The following SLC4A10 variants were observed in gnomAD, a reference collection of about 807,000 sequenced individuals.
The protein encoded by SLC4A10 is solute carrier family 4 member 10.
In SLC4A10, 42 loss-of-function variants were observed where a neutral mutation model predicts 137.7. That is an observed-to-expected ratio of 0.30 (90% CI 0.24 to 0.39). The LOEUF (loss-of-function observed/expected upper bound fraction) is 0.39, where lower values mean the gene tolerates loss of function less well. SLC4A10 is among the 10% of genes least tolerant of loss of function. The pLI is 1.00. For synonymous variants in SLC4A10, 474 were observed against 464.1 expected (o/e 1.02, Z -0.27); for missense variants, 925 against 1,355.0 (o/e 0.68, Z 4.98).
At chr2:161,696,882 C>G (rs565022642) in intron 1 of SLC4A10, among the ~76,000 whole-genome samples, 1 of 152,286 alleles carries the variant, frequency 6.6e-6, no homozygotes, top group Non-Finnish European at 1.5e-5. Context: ...AATCGCCACA[C>G]TGTCTTCCAC....
intron 10 of SLC4A10, among the ~76,000 whole-genome samples, chr2:161,884,073 A>T (rs62188794): frequency 6.6e-6 from 1 of 152,120 alleles, no homozygotes; most frequent in African/African-American, 2.4e-5. Flanking sequence ...GAAAAAAATA[A>T]CTTAATGAGG....
intron 1 of SLC4A10, among the ~76,000 whole-genome samples, chr2:161,737,417 G>T (rs2047454483): frequency 1.3e-5 from 2 of 150,898 alleles, no homozygotes; most frequent in Non-Finnish European, 3.0e-5. Context: ...ACTTTATACA[G>T]AATAGCTTTT....
chr2:161,821,908 C>T (rs1359303381), intron 3 of SLC4A10, among the ~76,000 whole-genome samples: 2 of 152,114 alleles, frequency 1.3e-5, no homozygotes, highest in South Asian at 4.1e-4. Flanking sequence ...ATACAGGGAA[C>T]CATACGTTAT....
intron 1 of SLC4A10, among the ~76,000 whole-genome samples, chr2:161,661,229 C>T (rs1029612670): frequency 2.0e-5 from 3 of 152,088 alleles, no homozygotes; most frequent in Non-Finnish European, 4.4e-5. Flanking sequence ...AATCCCAGCA[C>T]TTTGGGAGGC....
At chr2:161,780,914 G>T (rs1042461928) in intron 2 of SLC4A10, among the ~76,000 whole-genome samples, 1 of 151,892 alleles carries the variant, frequency 6.6e-6, no homozygotes, top group Non-Finnish European at 1.5e-5. Flanking sequence ...ATCTGATGTT[G>T]TAAAATTATA....
rs1412071199 is a variant in SLC4A10 at position 161,969,240 on chromosome 2, A to G, written c.3159+4067A>G. Reference sequence around the variant, plus strand: ...CTGAGAAAACATTCATTTGACCTTAAAATTCAATAATGAGTTAAGCAGAAT... The same window carrying G: ...CTGAGAAAACATTCATTTGACCTTAGAATTCAATAATGAGTTAAGCAGAAT... On this transcript the variant is annotated intron_variant, in intron 23 of 26. Transcript: ENST00000446997. Among the ~76,000 whole-genome samples the G allele has an allele frequency of 2.6e-5, 4 of 152,288 alleles. No homozygotes were observed. The East Asian group carries it at 7.7e-4, about 29-fold the overall frequency.
intron 23 of SLC4A10, among the ~76,000 whole-genome samples, chr2:161,971,423 A>T (rs1395477123): frequency 2.0e-5 from 3 of 152,216 alleles, no homozygotes; most frequent in Non-Finnish European, 4.4e-5. Context: ...ATTATGTATT[A>T]TTCTACCTTT....
At chr2:161,741,495 A>G (rs1186299126) in intron 1 of SLC4A10, among the ~76,000 whole-genome samples, 1 of 152,100 alleles carries the variant, frequency 6.6e-6, no homozygotes, top group African/African-American at 2.4e-5. Context: ...CTTCCTGCCC[A>G]GCCCCACTCC....
chr2:161,981,753 T>C (rs1433316347), intron 26 of SLC4A10, among the ~76,000 whole-genome samples: 1 of 152,176 alleles, frequency 6.6e-6, no homozygotes, highest in Admixed American at 6.5e-5. Context: ...TCTTTTCTCA[T>C]GGAAGGAGAA....
At chr2:161,938,511 G>A (rs1405634335) in intron 15 of SLC4A10, among the ~76,000 whole-genome samples, 1 of 150,674 alleles carries the variant, frequency 6.6e-6, no homozygotes, top group Non-Finnish European at 1.5e-5. Flanking sequence ...TTATATTATA[G>A]ATTATACATT....
At chr2:161,726,560 T>C (rs1328759870) in intron 1 of SLC4A10, among the ~76,000 whole-genome samples, 1 of 152,062 alleles carries the variant, frequency 6.6e-6, no homozygotes, top group Non-Finnish European at 1.5e-5. Context: ...TGGCAAAAGC[T>C]GAAATCCAAT....
intron 1 of SLC4A10, among the ~76,000 whole-genome samples, chr2:161,722,277 T>A (rs996530966): frequency 6.6e-6 from 1 of 152,198 alleles, no homozygotes; most frequent in Non-Finnish European, 1.5e-5. Flanking sequence ...TTTTTGAGTT[T>A]TCAGAATGTT....
rs73003495 is a variant in SLC4A10, at chr2:161,726,315, G to A, written c.49-44658G>A. Among the ~76,000 whole-genome samples the A allele has an allele frequency of 7.7e-3, 1,176 of 152,126 alleles. 4 individuals are homozygous for A. The highest frequency in any genetic ancestry group is 0.014 in the Middle Eastern group (4 of 294). On this transcript the variant is annotated intron_variant, in intron 1 of 26. Coordinates refer to ENST00000446997, the MANE Select transcript of SLC4A10 (RefSeq NM_001178015.2). ...TAGAATTAAAAATGAAGTAAAATGA[G>A]GAGGCTTTAGGTAAAACTAGCTAAT... is the stretch of plus-strand genomic sequence containing the variant.
chr2:161,635,416 TC>T (rs1255115735), intron 1 of SLC4A10, among the ~76,000 whole-genome samples: 1 of 152,074 alleles, frequency 6.6e-6, no homozygotes, highest in Non-Finnish European at 1.5e-5. Context: ...TCCTTGGCCC[TC>T]CAAAAAGTCC....
intron 6 of SLC4A10, among the ~76,000 whole-genome samples, chr2:161,869,155 T>A (rs1436781122): frequency 6.6e-6 from 1 of 151,692 alleles, no homozygotes; most frequent in Non-Finnish European, 1.5e-5. Flanking sequence ...AAATTCTTTG[T>A]TATTCTATTA....
intron 1 of SLC4A10, among the ~76,000 whole-genome samples, chr2:161,672,913 T>C (rs1212854011): frequency 6.6e-6 from 1 of 152,156 alleles, no homozygotes; most frequent in Non-Finnish European, 1.5e-5. Flanking sequence ...GAAAAACATT[T>C]TGGGATGGTA....
chr2:161,809,425 G>A (rs2056328942), intron 3 of SLC4A10, among the ~76,000 whole-genome samples: 1 of 151,982 alleles, frequency 6.6e-6, no homozygotes, highest in South Asian at 2.1e-4. Context: ...ATTGCTTTTG[G>A]AGACTTAGCC....
At chr2:161,699,477 G>A (rs1245114334) in intron 1 of SLC4A10, among the ~76,000 whole-genome samples, 2 of 152,148 alleles carry the variant, frequency 1.3e-5, no homozygotes, top group African/African-American at 4.8e-5. Context: ...CCTGAAAAAT[G>A]TCTTCATTTT....
chr2:161,863,488 G>A (rs949270303), intron 6 of SLC4A10, among the ~76,000 whole-genome samples: 3 of 152,084 alleles, frequency 2.0e-5, no homozygotes, highest in African/African-American at 7.2e-5. Flanking sequence ...AAAGATATTG[G>A]TTTCATGTTG....
Sources: gnomAD v4.1 joint callset for allele counts (sites outside exome capture counted in the v4.1 genomes callset) on GRCh38, gnomAD v4.1.1 for gene constraint, MANE v1.5 for transcripts, NCBI Gene and HGNC (gene_info 2026-07-23, HGNC 2026-07-21) for gene names.